The following ANGPT1 variants were observed in gnomAD, a reference collection of about 807,000 sequenced individuals.
ANGPT1 encodes the protein angiopoietin 1.
Under a neutral mutation model 62.2 loss-of-function variants are expected in ANGPT1, and 17 were observed. The ratio of observed to expected loss-of-function variants is 0.27; its 90% CI spans 0.19 to 0.41. The LOEUF (loss-of-function observed/expected upper bound fraction) is 0.41. Ranked by LOEUF, ANGPT1 falls within the 10% of genes least tolerant of loss-of-function variation. The probability of loss-of-function intolerance (pLI) is 1.00; values close to 1 mark genes in which losing one functional copy is unlikely to be tolerated. For synonymous variants in ANGPT1, 199 were observed against 198.9 expected, an observed-to-expected ratio of 1.00 and a Z score of 0.00; for missense variants, 478 against 594.9, an observed-to-expected ratio of 0.80 and a Z score of 2.04.
chr8:107,375,978 G>T (rs1355836475), intron 1 of ANGPT1, among the ~76,000 whole-genome samples: 1 of 152,074 alleles, frequency 6.6e-6, no homozygotes, highest in Non-Finnish European at 1.5e-5. Context: ...ACCAGGAAAG[G>T]GCCTATGGGA....
intron 7 of ANGPT1, among the ~76,000 whole-genome samples, chr8:107,269,998 C>T (rs1331941030): frequency 6.6e-6 from 1 of 152,010 alleles, no homozygotes; most frequent in Non-Finnish European, 1.5e-5. Flanking sequence ...ATTATAAAGA[C>T]TAAATCATCA....
At chr8:107,362,595 G>A (rs906739976) in intron 1 of ANGPT1, among the ~76,000 whole-genome samples, 1 of 152,034 alleles carries the variant, frequency 6.6e-6, no homozygotes, top group Admixed American at 6.6e-5. Flanking sequence ...AAACCATGAA[G>A]CCCAAACCTG....
intron 1 of ANGPT1, among the ~76,000 whole-genome samples, chr8:107,441,438 A>C (rs1448823630): frequency 1.3e-5 from 2 of 152,096 alleles, no homozygotes; most frequent in Non-Finnish European, 2.9e-5. Context: ...CCTCCTTCTG[A>C]ATTGCACTAA....
intron 5 of ANGPT1, among the ~76,000 whole-genome samples, chr8:107,298,931 A>T (rs957331964): frequency 1.6e-4 from 24 of 151,976 alleles, no homozygotes; most frequent in African/African-American, 4.3e-4. Context: ...TACAATGTAC[A>T]GTCTACATGG....
At chr8:107,301,733 A>G (rs1174262092) in intron 5 of ANGPT1, among the ~76,000 whole-genome samples, 1 of 151,652 alleles carries the variant, frequency 6.6e-6, no homozygotes, top group African/African-American at 2.4e-5. Flanking sequence ...CCTACATTTT[A>G]CCCCCTTATA....
intron 1 of ANGPT1, among the ~76,000 whole-genome samples, chr8:107,429,241 A>G (rs564309699): frequency 1.3e-5 from 2 of 152,202 alleles, no homozygotes; most frequent in Admixed American, 6.5e-5. Context: ...GGGTTGAGTC[A>G]TTTAAAGCAT....
intron 1 of ANGPT1, among the ~76,000 whole-genome samples, chr8:107,487,283 C>T (rs944251429): frequency 4.6e-5 from 7 of 152,036 alleles, no homozygotes; most frequent in Non-Finnish European, 1.0e-4. Flanking sequence ...AGAGACAGGC[C>T]GGGAGGTCCC....
chr8:107,317,638 T>C (rs917829446), intron 4 of ANGPT1, among the ~76,000 whole-genome samples: 7 of 151,364 alleles, frequency 4.6e-5, no homozygotes, highest in Non-Finnish European at 8.8e-5. Context: ...ATTTTTATTT[T>C]TTTTTTTTTT....
rs1815948391 is a variant in ANGPT1, at chr8:107,352,221, G to T, written c.298-5124C>A. On this transcript the variant is annotated intron_variant, in intron 1 of 8. Coordinates refer to ENST00000517746, the MANE Select transcript of ANGPT1 (RefSeq NM_001146.5). ...CTACAGAAATGATGAGGTGAAACTTGTTCAAAGATTGACCATTTTTTAATT... is the reference window on the plus strand; with the variant it reads ...CTACAGAAATGATGAGGTGAAACTTTTTCAAAGATTGACCATTTTTTAATT... Among the ~76,000 whole-genome samples, 3 of 152,206 alleles carry T rather than the reference G, an allele frequency of 2.0e-5. No homozygotes were observed. In the South Asian group the frequency reaches 6.2e-4, roughly 32 times the overall value.
At chr8:107,377,848 A>G (rs35899249) in intron 1 of ANGPT1, among the ~76,000 whole-genome samples, 12,204 of 152,242 alleles carry the variant, frequency 0.08, 546 homozygotes, top group East Asian at 0.11. Context: ...AAGATGGCCC[A>G]AAGATTAATA....
At chr8:107,431,601 C>T (rs1028342574) in intron 1 of ANGPT1, among the ~76,000 whole-genome samples, 2 of 152,184 alleles carry the variant, frequency 1.3e-5, no homozygotes, top group Admixed American at 1.3e-4. Context: ...GCAAGATCTG[C>T]AATCTCTGTG....
At chr8:107,488,202 C>A (rs1473162793) in intron 1 of ANGPT1, among the ~76,000 whole-genome samples, 1 of 152,286 alleles carries the variant, frequency 6.6e-6, no homozygotes, top group East Asian at 1.9e-4. Flanking sequence ...AAACTGCTTT[C>A]TGTAAGGCAG....
intron 4 of ANGPT1, among the ~76,000 whole-genome samples, chr8:107,313,442 T>TTG (rs1554581634): frequency 7.9e-6 from 1 of 126,882 alleles, no homozygotes; most frequent in African/African-American, 3.0e-5. Context: ...TTTTTTTTTT[T>TTG]TTTTTTTTTT....
intron 1 of ANGPT1, among the ~76,000 whole-genome samples, chr8:107,353,647 A>G (rs1259929705): frequency 6.6e-6 from 1 of 152,098 alleles, no homozygotes; most frequent in Non-Finnish European, 1.5e-5. Flanking sequence ...ACACATGGCA[A>G]AAAACAGAAC....
At position 107,289,057 on chromosome 8, in the gene ANGPT1, T is replaced by C. The variant is rs866896255; in HGVS notation, c.1039-4209A>G. On this transcript the variant is annotated intron_variant, in intron 6 of 8. Transcript: ENST00000517746. ...AATAAAATCTAAGGATACTATGCCA[T>C]GTACTTTTGTAAAAATGATGTTTAA... Among the ~76,000 whole-genome samples, 12 of 152,264 alleles carry C rather than the reference T, an allele frequency of 7.9e-5. No individual in the cohort carries two copies. The South Asian group carries it at 1.9e-3, about 24-fold the overall frequency.
chr8:107,332,913 T>G (rs1455381281), intron 3 of ANGPT1, among the ~76,000 whole-genome samples: 1 of 152,202 alleles, frequency 6.6e-6, no homozygotes, highest in Non-Finnish European at 1.5e-5. Flanking sequence ...AGGATTAAGA[T>G]TCATATAAGG....
intron 4 of ANGPT1, among the ~76,000 whole-genome samples, chr8:107,307,548 A>G (rs929268906): frequency 2.0e-5 from 3 of 151,944 alleles, no homozygotes; most frequent in African/African-American, 7.2e-5. Context: ...CCTCTACCCT[A>G]TAGAAGTTGT....
At chr8:107,436,815 C>T (rs1811347729) in intron 1 of ANGPT1, among the ~76,000 whole-genome samples, 1 of 152,130 alleles carries the variant, frequency 6.6e-6, no homozygotes, top group African/African-American at 2.4e-5. Context: ...GAACAAACCA[C>T]TGAAGTTTAC....
intron 1 of ANGPT1, among the ~76,000 whole-genome samples, chr8:107,433,291 A>G (rs1374928036): frequency 2.0e-5 from 3 of 152,184 alleles, no homozygotes; most frequent in East Asian, 3.9e-4. Context: ...CATTACTGCT[A>G]CCAAGTAGCA....
Sources: allele counts gnomAD v4.1 joint callset (sites outside exome capture counted in the v4.1 genomes callset), GRCh38; gene constraint gnomAD v4.1.1; transcripts MANE v1.5; gene names NCBI Gene and HGNC (gene_info 2026-07-23, HGNC 2026-07-21).